Variants in ERN1 observed in about 807,000 individuals in gnomAD.
ERN1 encodes the protein endoplasmic reticulum to nucleus signaling 1.
ERN1 carries 39 observed loss-of-function variants against 113.1 expected under a neutral mutation model. That is an observed-to-expected ratio of 0.34 (90% CI 0.27 to 0.45). The LOEUF (loss-of-function observed/expected upper bound fraction) is 0.45, where lower values mean the gene tolerates loss of function less well. Among genes scored for constraint, ERN1 ranks in the 20% least tolerant of loss-of-function variants. ERN1 has a pLI of 1.00. For synonymous variants in ERN1, 507 were observed against 515.9 expected (o/e 0.98, Z 0.23); for missense variants, 976 against 1,274.8 (o/e 0.77, Z 3.57).
intron 1 of ERN1, among the ~76,000 whole-genome samples, chr17:64,124,578 G>A (rs1915031959): frequency 6.6e-6 from 1 of 152,178 alleles, no homozygotes; most frequent in South Asian, 2.1e-4. Context: ...TTTCCCTGCT[G>A]CCATCAACGT....
rs369193335 is a variant in ERN1, at chr17:64,057,529, C to T, written c.1398+273G>A. Among the ~76,000 whole-genome samples, 35 of 152,194 alleles carry T rather than the reference C, an allele frequency of 2.3e-4. No homozygotes were observed. The South Asian group carries it at 5.2e-3, about 23-fold the overall frequency. On this transcript the variant is annotated intron_variant, in intron 12 of 21. Coordinates refer to ENST00000433197, the MANE Select transcript of ERN1 (RefSeq NM_001433.5). ...GACTACAGGCCCCTGCCACCATGCCCGGCTAATTTTTTGTATTTTTAGTAG... is the reference window on the plus strand; with the variant it reads ...GACTACAGGCCCCTGCCACCATGCCTGGCTAATTTTTTGTATTTTTAGTAG...
At chr17:64,045,202 G>A (rs868774924) in intron 20 of ERN1, among the ~76,000 whole-genome samples, 157 bp downstream of exon 20, 2 of 152,054 alleles carry the variant, frequency 1.3e-5, no homozygotes, top group South Asian at 2.1e-4. Context: ...ACACATCAGT[G>A]TAACCAAACC....
chr17:64,082,249 C>A (rs1378491072), intron 2 of ERN1, among the ~76,000 whole-genome samples: 1 of 152,154 alleles, frequency 6.6e-6, no homozygotes, highest in Non-Finnish European at 1.5e-5. Flanking sequence ...CTCACTAAAC[C>A]AAAAACACTC....
chr17:64,080,828 A>G lies in ERN1; in HGVS notation c.176-20T>C. On this transcript the variant is annotated intron_variant, in intron 2 of 21. Transcript: ENST00000433197. ...CTGGATCTGTGCAAAAGAACAACAA[A>G]GCCATCATCAGAAACATCCCAAAAT... is the stretch of plus-strand genomic sequence containing the variant. 1 of 1,605,972 alleles carries G rather than the reference A, an allele frequency of 6.2e-7. No homozygotes were observed. Among genetic ancestry groups the G allele is most frequent in the Non-Finnish European group, 8.5e-7 (1 of 1,176,128 alleles).
At chr17:64,051,660 A>G (rs1433058844) in intron 17 of ERN1, among the ~76,000 whole-genome samples, 4 of 152,254 alleles carry the variant, frequency 2.6e-5, no homozygotes, top group African/African-American at 9.6e-5. Flanking sequence ...GAACTTCAAC[A>G]TGGAACAAAA....
intron 10 of ERN1, among the ~76,000 whole-genome samples, chr17:64,062,609 C>T (rs1258821485): frequency 6.6e-6 from 1 of 152,166 alleles, no homozygotes; most frequent in Non-Finnish European, 1.5e-5. Flanking sequence ...ATGAAGACTC[C>T]CTGCCCCCAT....
intron 1 of ERN1, among the ~76,000 whole-genome samples, chr17:64,116,217 G>C (rs1427017429): frequency 6.6e-6 from 1 of 152,134 alleles, no homozygotes; most frequent in African/African-American, 2.4e-5. Context: ...TAAACTGAAA[G>C]GGTGATACCT....
chr17:64,115,262 T>C (rs1240675247), intron 1 of ERN1, among the ~76,000 whole-genome samples: 1 of 152,218 alleles, frequency 6.6e-6, no homozygotes, highest in Non-Finnish European at 1.5e-5. Flanking sequence ...CCCTGCCTCA[T>C]ACTTCTTCCT....
chr17:64,129,752 G>A (rs1017155889), intron 1 of ERN1: 10 of 398,608 alleles, frequency 2.5e-5, no homozygotes, highest in Non-Finnish European at 4.4e-5. Flanking sequence ...GGCTCTTCGG[G>A]CGGCCGACGC....
Position 64,049,108 on chromosome 17 carries a change from G to A in ERN1, c.2348C>T (p.Ala783Val). The A allele has an allele frequency of 6.2e-7, 1 of 1,610,168 alleles. No homozygotes were observed. The highest frequency in any genetic ancestry group is 8.5e-7 in the Non-Finnish European group (1 of 1,177,066). The change falls in exon 18 of 22, where the codon GCC (alanine) becomes GTC (valine). Residue 783 changes from alanine (A) to valine (V), a missense_variant. Around this residue, in one of 5 missense-constraint regions of ERN1, gnomAD observed 297 missense variants for 457.8 expected, o/e 0.65. Coordinates refer to ENST00000433197, the MANE Select transcript of ERN1 (RefSeq NM_001433.5). This position sits in a 1 kb window ranked among gnomAD's most constrained non-coding sequence, Gnocchi z 4.7. Reference protein sequence around the residue: ...HPFGKSLQRQANILLGACSLD... With the variant: ...HPFGKSLQRQVNILLGACSLD... ...GCTGCAGGCACCCAGGAGGATGTTG[G>A]CCTGCCGCTGCAGGGACTTGCCAAA...
At chr17:64,084,802 C>A (rs924747719) in intron 2 of ERN1, among the ~76,000 whole-genome samples, 1 of 152,218 alleles carries the variant, frequency 6.6e-6, no homozygotes, top group Non-Finnish European at 1.5e-5. Context: ...CCCACACACT[C>A]CATTCCAGCC....
At chr17:64,091,097 G>T (rs9901074) in intron 2 of ERN1, among the ~76,000 whole-genome samples, 3,628 of 152,250 alleles carry the variant, frequency 0.024, 159 homozygotes, top group African/African-American at 0.082. Context: ...GCCTAGAAAA[G>T]TCCTTGAGAG....
rs1402832190 is a variant in ERN1, at chr17:64,041,777, T to G, written c.*2211A>C. On this transcript the variant is annotated 3_prime_UTR_variant, in exon 22 of 22. Transcript: ENST00000433197. ...TAGGAAAGCAGAAGTTTTGCCTGTC[T>G]TGTTCATCGCTGTATCTCCGGCACC... 1.3e-5 allele frequency: 2 copies of G among 152,264 alleles called. No individual in the cohort carries two copies. The highest frequency in any genetic ancestry group is 2.9e-5 in the Non-Finnish European group (2 of 68,052). 9.4% of individuals were successfully genotyped at this position (152,264 alleles called of 1,614,324 possible).
intron 1 of ERN1, 198 bp downstream of exon 1, chr17:64,129,778 A>T: frequency 2.3e-6 from 1 of 432,256 alleles, no homozygotes; most frequent in African/African-American, 2.0e-5. Context: ...TGGGGCCGCG[A>T]CTCCCGTCAG....
chr17:64,081,918 G>A (rs573385528), intron 2 of ERN1, among the ~76,000 whole-genome samples: 5 of 152,274 alleles, frequency 3.3e-5, no homozygotes, highest in South Asian at 2.1e-4. Context: ...CCAAAAGTCC[G>A]CAGGCAGGAG....
At chr17:64,079,548 A>C in intron 4 of ERN1, 114 bp downstream of exon 4, 1 of 748,540 alleles carries the variant, frequency 1.3e-6, no homozygotes, top group Non-Finnish European at 2.3e-6. Flanking sequence ...CAGAATCCCC[A>C]GGGGTTGTTT....
chr17:64,116,948 C>CAA (rs536779884), intron 1 of ERN1, among the ~76,000 whole-genome samples: 22 of 89,810 alleles, frequency 2.4e-4, no homozygotes, highest in African/African-American at 5.4e-4. Flanking sequence ...ACTAAAAATA[C>CAA]AAAAAAAAAA....
chr17:64,097,909 G>C, intron 2 of ERN1: 1 of 551,352 alleles, frequency 1.8e-6, no homozygotes, highest in South Asian at 2.6e-5. Flanking sequence ...AAGATAAAAC[G>C]TGCTTCTTTA....
Position 64,091,193 on chromosome 17 carries a change from CT to C in ERN1, c.175+6927del, listed in dbSNP as rs146862086. Among the ~76,000 whole-genome samples the C allele has an allele frequency of 5.6e-3, 846 of 152,288 alleles. 7 individuals are homozygous for C. The highest frequency in any genetic ancestry group is 0.02 in the African/African-American group (812 of 41,538). ...TTCCATTGCACTTCTGAAGACAGAT[CT>C]CCAACTCTTCCAGAGTCCCACACAC... On this transcript the variant is annotated intron_variant, in intron 2 of 21. Coordinates refer to ENST00000433197, the MANE Select transcript of ERN1 (RefSeq NM_001433.5).
Sources: gnomAD v4.1 joint callset for allele counts (sites outside exome capture counted in the v4.1 genomes callset) on GRCh38, gnomAD v4.1.1 for gene constraint, gnomAD v4.1.1 regional missense constraint, Gnocchi (gnomAD v3.1) non-coding constraint, MANE v1.5 for transcripts, NCBI Gene and HGNC (gene_info 2026-07-23, HGNC 2026-07-21) for gene names.